The following AGTPBP1 variants were observed in gnomAD, a reference collection of about 807,000 sequenced individuals.
AGTPBP1 encodes ATP/GTP binding carboxypeptidase 1.
A neutral mutation model predicts 143.9 loss-of-function variants in AGTPBP1; 70 were observed. The ratio of observed to expected loss-of-function variants is 0.49; its 90% confidence interval spans 0.40 to 0.59. AGTPBP1 has a LOEUF of 0.59. AGTPBP1 is among the 20% of genes least tolerant of loss of function. The pLI is 0.00. For missense variants in AGTPBP1, 1,229 were observed against 1,464.5 expected (o/e 0.84, Z 2.62); for synonymous variants, 463 against 500.2 (o/e 0.93, Z 0.99).
At chr9:85,732,803 T>C (rs1029934343) in intron 1 of AGTPBP1, among the ~76,000 whole-genome samples, 9 of 152,018 alleles carry the variant, frequency 5.9e-5, no homozygotes, top group African/African-American at 2.2e-4. Flanking sequence ...TCCATGCAAA[T>C]AGTAACCAAA....
At chr9:85,608,332 A>T (rs1313819529) in intron 17 of AGTPBP1, among the ~76,000 whole-genome samples, 1 of 152,146 alleles carries the variant, frequency 6.6e-6, no homozygotes, top group African/African-American at 2.4e-5. Context: ...TACAGAAGAT[A>T]TAAGCAGAAA....
the AGTPBP1 span, among the ~76,000 whole-genome samples, chr9:85,748,142 C>T: frequency 2.0e-5 from 3 of 152,348 alleles, no homozygotes; most frequent in Non-Finnish European, 4.4e-5. Flanking sequence ...TCACCCACTT[C>T]ACAGCTCTTG....
At position 85,741,804 on chromosome 9, in the gene AGTPBP1, G is replaced by A; in HGVS notation, c.-63C>T. ...TCAGGATGGGGCGCTGGCGGGGACC[G>A]CGCAGAGCCGCAGCACCCGGCTCAG... On this transcript the variant is annotated 5_prime_UTR_variant, in exon 1 of 26. Transcript: ENST00000357081. 7.3e-7 allele frequency: 1 copy of A among 1,370,894 alleles called. No individual in the cohort carries two copies. The highest frequency in any genetic ancestry group is 9.4e-7 in the Non-Finnish European group (1 of 1,064,430). 84.9% of individuals were successfully genotyped at this position (1,370,894 alleles called of 1,614,324 possible). A position where few individuals can be genotyped will look rare whatever the true frequency, so the allele number is the denominator to read the frequency against.
chr9:85,770,960 T>C, the AGTPBP1 span, among the ~76,000 whole-genome samples: 53 of 152,134 alleles, frequency 3.5e-4, no homozygotes, highest in African/African-American at 1.2e-3. Context: ...AAGATAATAG[T>C]AGATTTTATT....
At chr9:85,747,531 G>T in the AGTPBP1 span, among the ~76,000 whole-genome samples, 1 of 152,024 alleles carries the variant, frequency 6.6e-6, no homozygotes, top group South Asian at 2.1e-4. Flanking sequence ...ATTTGTTTAG[G>T]TCTTCATTAA....
intron 8 of AGTPBP1, among the ~76,000 whole-genome samples, chr9:85,667,383 T>C (rs1005079392): frequency 2.0e-5 from 3 of 152,132 alleles, no homozygotes; most frequent in African/African-American, 7.2e-5. Context: ...AAATAGTTCA[T>C]GTGGACAAGT....
chr9:85,553,250 T>C (rs535196888), intron 25 of AGTPBP1, among the ~76,000 whole-genome samples: 1 of 152,228 alleles, frequency 6.6e-6, no homozygotes, highest in South Asian at 2.1e-4. Flanking sequence ...AATTTGCTAA[T>C]CTATTTGTAC....
At chr9:85,660,548 C>G (rs1833794002) in intron 9 of AGTPBP1, among the ~76,000 whole-genome samples, 1 of 152,068 alleles carries the variant, frequency 6.6e-6, no homozygotes, top group African/African-American at 2.4e-5. Context: ...GGTTCTAAGT[C>G]ACTCACAAAA....
At chr9:85,634,494 G>C (rs978347520) in intron 13 of AGTPBP1, among the ~76,000 whole-genome samples, 2 of 152,126 alleles carry the variant, frequency 1.3e-5, no homozygotes, top group African/African-American at 4.8e-5. Flanking sequence ...CCAAGCACTG[G>C]AGAGCCTTGC....
intron 1 of AGTPBP1, among the ~76,000 whole-genome samples, chr9:85,732,458 A>C (rs983712852): frequency 6.6e-6 from 1 of 151,994 alleles, no homozygotes; most frequent in African/African-American, 2.4e-5. Context: ...CTATAACTCA[A>C]ATAGTGGTTT....
chr9:85,583,235 T>C (rs543748959), intron 23 of AGTPBP1, among the ~76,000 whole-genome samples: 2 of 152,284 alleles, frequency 1.3e-5, no homozygotes, highest in African/African-American at 4.8e-5. Context: ...TCTGCAGAAC[T>C]GTAAGTCCAT....
intron 3 of AGTPBP1, among the ~76,000 whole-genome samples, 154 bp downstream of exon 3, chr9:85,692,535 A>G (rs570786624): frequency 6.6e-6 from 1 of 152,272 alleles, no homozygotes; most frequent in African/African-American, 2.4e-5. Context: ...TGGCCTCCCA[A>G]AGTGCTGGGA....
chr9:85,648,157 G>A (rs1023424753), intron 11 of AGTPBP1, among the ~76,000 whole-genome samples: 9 of 152,080 alleles, frequency 5.9e-5, no homozygotes, highest in South Asian at 2.1e-4. Context: ...CTTTGTCTTC[G>A]TTTCTTTGTC....
chr9:85,654,520 T>G (rs1234248359), intron 11 of AGTPBP1, among the ~76,000 whole-genome samples: 3 of 152,106 alleles, frequency 2.0e-5, no homozygotes, highest in African/African-American at 7.2e-5. Flanking sequence ...CCTAGACATT[T>G]AATGTTTATA....
intron 13 of AGTPBP1, among the ~76,000 whole-genome samples, chr9:85,640,232 A>G (rs779955800): frequency 6.6e-6 from 1 of 152,234 alleles, no homozygotes; most frequent in Non-Finnish European, 1.5e-5. Context: ...GCTGCCTAAA[A>G]TTCAAATACA....
chr9:85,691,536 GGTGT>G (rs58713865), intron 3 of AGTPBP1, among the ~76,000 whole-genome samples: 141 of 144,528 alleles, frequency 9.8e-4, no homozygotes, highest in South Asian at 5.8e-3. Context: ...AAAAAAAGAG[GGTGT>G]GTGTGTGTGT....
chr9:85,557,229 A>T (rs1351545887), intron 25 of AGTPBP1, among the ~76,000 whole-genome samples: 2 of 152,174 alleles, frequency 1.3e-5, no homozygotes, highest in Admixed American at 6.5e-5. Flanking sequence ...CATCTCAATT[A>T]TAAGGATCAT....
chr9:85,777,854 G>A, the AGTPBP1 span, among the ~76,000 whole-genome samples: 9 of 152,200 alleles, frequency 5.9e-5, no homozygotes, highest in African/African-American at 1.4e-4. Flanking sequence ...GCACAACCAG[G>A]TGCACTGTTC....
At position 85,724,783 on chromosome 9, in the gene AGTPBP1, T is replaced by C. The variant is rs193095736; in HGVS notation, c.-33-12217A>G. Among the ~76,000 whole-genome samples, 400 of 152,296 alleles carry C rather than the reference T, an allele frequency of 2.6e-3. 1 individual carries two copies. The highest frequency in any genetic ancestry group is 6.8e-3 in the African/African-American group (281 of 41,518). On this transcript the variant is annotated intron_variant, in intron 1 of 25. Coordinates refer to ENST00000357081, the MANE Select transcript of AGTPBP1 (RefSeq NM_001330701.2). ...AAAGCTCCATGAGGGCATGGATCTT[T>C]GTTTTGCTTACTAAATGCCTCCCAA... is the stretch of plus-strand genomic sequence containing the variant.
Sources: gnomAD v4.1 joint callset for allele counts (sites outside exome capture counted in the v4.1 genomes callset) on GRCh38, gnomAD v4.1.1 for gene constraint, MANE v1.5 for transcripts, NCBI Gene and HGNC (gene_info 2026-07-23, HGNC 2026-07-21) for gene names.